TMEFF1: variants seen among roughly 807,000 people sequenced by gnomAD.
TMEFF1 encodes transmembrane protein with EGF like and two follistatin like domains 1.
In TMEFF1, 20 loss-of-function variants were observed where a neutral mutation model predicts 47.5. The observed-to-expected ratio is 0.42, with a 90% confidence interval of 0.30 to 0.61. The LOEUF (loss-of-function observed/expected upper bound fraction) is 0.61, where lower values mean the gene tolerates loss of function less well. Ranked by LOEUF, TMEFF1 falls within the 20% of genes least tolerant of loss-of-function variation. The pLI is 0.19. For missense variants in TMEFF1, 411 were observed against 471.1 expected, an observed-to-expected ratio of 0.87 and a Z score of 1.18; for synonymous variants, 162 against 166.3, an observed-to-expected ratio of 0.97 and a Z score of 0.20.
At chr9:100,532,048 C>T (rs1271499835) in intron 5 of TMEFF1, among the ~76,000 whole-genome samples, 1 of 151,738 alleles carries the variant, frequency 6.6e-6, no homozygotes, top group Admixed American at 6.6e-5. Context: ...ATGTAGAAAG[C>T]TGAAACTGGA....
chr9:100,536,745 A>G (rs1218926218), intron 5 of TMEFF1, among the ~76,000 whole-genome samples: 3 of 152,202 alleles, frequency 2.0e-5, no homozygotes, highest in Non-Finnish European at 4.4e-5. Context: ...ACTGTAATGT[A>G]TATGAATCTA....
chr9:100,558,137 T>A (rs1337303018), intron 7 of TMEFF1, among the ~76,000 whole-genome samples: 1 of 152,206 alleles, frequency 6.6e-6, no homozygotes, highest in Non-Finnish European at 1.5e-5. Context: ...CTCTGACTGC[T>A]TTCACCTAGC....
At chr9:100,525,143 C>A (rs989772588) in intron 5 of TMEFF1, among the ~76,000 whole-genome samples, 2 of 152,152 alleles carry the variant, frequency 1.3e-5, no homozygotes, top group African/African-American at 2.4e-5. Flanking sequence ...CCCAGGATCT[C>A]CCTTCAGTGT....
rs1200419415 is a variant in TMEFF1 at position 100,576,591 on chromosome 9, A to G, written c.1134A>G (p.Arg378=). 3 of 1,613,200 alleles carry G rather than the reference A, an allele frequency of 1.9e-6. No individual in the cohort carries two copies. The highest frequency in any genetic ancestry group is 2.5e-6 in the Non-Finnish European group (3 of 1,179,564). ...LGHFTSDTSS[R]MV ...ATTTTACTTCAGATACGTCATCCAG[A>G]ATGGTTTAAACTGATGACTTTTATA... The change falls in exon 10 of 10, where the codon AGA becomes AGG. Residue 378 remains arginine (R), a synonymous_variant. Coordinates refer to ENST00000374879, the MANE Select transcript of TMEFF1 (RefSeq NM_003692.5).
At chr9:100,515,481 ATCTT>A in intron 4 of TMEFF1, among the ~76,000 whole-genome samples, 1 of 152,178 alleles carries the variant, frequency 6.6e-6, no homozygotes, top group Non-Finnish European at 1.5e-5. Flanking sequence ...TTTTAACACT[ATCTT>A]TATTATAAGA....
At chr9:100,573,016 T>G (rs1302470247) in intron 9 of TMEFF1, among the ~76,000 whole-genome samples, 1 of 151,048 alleles carries the variant, frequency 6.6e-6, no homozygotes, top group Non-Finnish European at 1.5e-5. Flanking sequence ...AGGGCCTCAC[T>G]CTGTTGCCCA....
At chr9:100,547,026 A>G (rs1838746053) in intron 5 of TMEFF1, among the ~76,000 whole-genome samples, 2 of 151,944 alleles carry the variant, frequency 1.3e-5, no homozygotes, top group Non-Finnish European at 2.9e-5. Context: ...TAGGTTATTT[A>G]TTTATTTAAG....
intron 1 of TMEFF1, among the ~76,000 whole-genome samples, chr9:100,480,044 T>C (rs1837310866): frequency 6.6e-6 from 1 of 152,194 alleles, no homozygotes. Context: ...ATTGTCTGTC[T>C]GTTTGATTTT....
intron 5 of TMEFF1, among the ~76,000 whole-genome samples, chr9:100,526,058 G>A (rs77849224): frequency 0.1 from 15,636 of 152,202 alleles, 1,000 homozygotes; most frequent in Middle Eastern, 0.18. Flanking sequence ...AAGTGTTTAG[G>A]TATTTTTATT....
At chr9:100,543,700 G>GATAAACTAACACTAACA (rs1447379374) in intron 5 of TMEFF1, among the ~76,000 whole-genome samples, 80 of 107,240 alleles carry the variant, frequency 7.5e-4, no homozygotes, top group African/African-American at 3.2e-3. Flanking sequence ...AGCTGATGAA[G>GATAAACTAACACTAACA]TAAAACACAC....
chr9:100,528,194 C>A (rs959447968), intron 5 of TMEFF1, among the ~76,000 whole-genome samples: 2 of 151,246 alleles, frequency 1.3e-5, no homozygotes, highest in Non-Finnish European at 2.9e-5. Flanking sequence ...CTCTCCTCCT[C>A]CAAAGGAACA....
chr9:100,563,956 G>A (rs986024151), intron 8 of TMEFF1, among the ~76,000 whole-genome samples: 5 of 152,298 alleles, frequency 3.3e-5, no homozygotes, highest in Admixed American at 2.0e-4. Context: ...GATATCATGT[G>A]CACTTCTGCT....
chr9:100,475,157 G>T (rs1001593399), intron 1 of TMEFF1, among the ~76,000 whole-genome samples: 5 of 152,162 alleles, frequency 3.3e-5, no homozygotes, highest in African/African-American at 1.2e-4. Flanking sequence ...TCTTGAAGGG[G>T]CATTATTTCT....
At chr9:100,533,663 G>T (rs554022706) in intron 5 of TMEFF1, among the ~76,000 whole-genome samples, 2 of 150,950 alleles carry the variant, frequency 1.3e-5, no homozygotes, top group Admixed American at 1.3e-4. Context: ...TTTTTTTTCT[G>T]TTGTTCATTT....
At chr9:100,481,131 T>C (rs972552504) in intron 1 of TMEFF1, among the ~76,000 whole-genome samples, 9 of 152,218 alleles carry the variant, frequency 5.9e-5, no homozygotes, top group Non-Finnish European at 1.2e-4. Flanking sequence ...TACAGCCTTC[T>C]CCACCTTCCA....
intron 8 of TMEFF1, among the ~76,000 whole-genome samples, chr9:100,563,035 C>T (rs1210803355): frequency 6.6e-6 from 1 of 152,166 alleles, no homozygotes; most frequent in Non-Finnish European, 1.5e-5. Flanking sequence ...CCAGGATGGT[C>T]TTGATCTCTT....
chr9:100,473,408 G>C lies in TMEFF1; in HGVS notation c.-137G>C. On this transcript the variant is annotated 5_prime_UTR_variant, in exon 1 of 10. Transcript: ENST00000374879. This position sits in a 1 kb window ranked among gnomAD's most constrained non-coding sequence, Gnocchi z 5.4. ...CTGGCGGACGCTGCGGGTGGGGCGG[G>C]GATGCTGACGGGCTGCTCCCCGGCT... is the stretch of plus-strand genomic sequence containing the variant. 1 of 577,962 alleles carries C rather than the reference G, an allele frequency of 1.7e-6. No individual in the cohort carries two copies. Among genetic ancestry groups the C allele is most frequent in the Non-Finnish European group, 2.5e-6 (1 of 404,234 alleles). The allele number at this position is 577,962 out of a possible 1,614,324, so 35.8% of individuals were successfully genotyped here. A position where few individuals can be genotyped will look rare whatever the true frequency, so the allele number is the denominator to read the frequency against.
chr9:100,501,625 A>G (rs1403389845), intron 2 of TMEFF1, among the ~76,000 whole-genome samples: 1 of 151,862 alleles, frequency 6.6e-6, no homozygotes, highest in Non-Finnish European at 1.5e-5. Flanking sequence ...TGCTGCTTTG[A>G]TTTATTTATT....
At chr9:100,495,793 G>A (rs1374338123) in intron 1 of TMEFF1, among the ~76,000 whole-genome samples, 1 of 152,076 alleles carries the variant, frequency 6.6e-6, no homozygotes, top group Non-Finnish European at 1.5e-5. Context: ...CCTCATAAAT[G>A]CCTCCCTCCA....
Sources: gnomAD v4.1 joint callset for allele counts (sites outside exome capture counted in the v4.1 genomes callset) on GRCh38, gnomAD v4.1.1 for gene constraint, Gnocchi (gnomAD v3.1) non-coding constraint, MANE v1.5 for transcripts, NCBI Gene and HGNC (gene_info 2026-07-23, HGNC 2026-07-21) for gene names.